PPP2R5C: variants seen among roughly 807,000 people sequenced by gnomAD.
The protein encoded by PPP2R5C is serine/threonine-protein phosphatase 2A 56 kDa regulatory subunit gamma isoform.
A neutral mutation model predicts 68.9 loss-of-function variants in PPP2R5C; 7 were observed. That is an observed-to-expected ratio of 0.10 (90% confidence interval 0.06 to 0.19). The LOEUF is 0.19. Among genes scored for constraint, PPP2R5C ranks in the 10% least tolerant of loss-of-function variants. The probability of loss-of-function intolerance (pLI) is 1.00; values close to 1 mark genes in which losing one functional copy is unlikely to be tolerated. For synonymous variants in PPP2R5C, 210 were observed against 222.2 expected, an observed-to-expected ratio of 0.95 and a Z score of 0.49; for missense variants, 348 against 641.3, an observed-to-expected ratio of 0.54 and a Z score of 4.94.
In PPP2R5C at chr14:101,825,283, G is replaced by C. The variant is rs552446601; in HGVS notation, c.94+15247G>C. 6.6e-6 allele frequency among the ~76,000 whole-genome samples: 1 copy of C among 151,056 alleles called. No homozygotes were observed. The highest frequency in any genetic ancestry group is 6.6e-5 in the Admixed American group (1 of 15,112). ...TTATTACTTATTAAAAAAATGTAAA[G>C]AAGGCATAGCATTAAAAGTGGGAGA... On this transcript the variant is annotated intron_variant, in intron 1 of 13. Transcript: ENST00000334743. The surrounding 1 kb of genome is among the most constrained non-coding windows in gnomAD (Gnocchi z 4.0).
In PPP2R5C at chr14:101,825,659, A is replaced by G. The variant is rs975889751; in HGVS notation, c.94+15623A>G. 6.6e-6 allele frequency among the ~76,000 whole-genome samples: 1 copy of G among 152,194 alleles called. No individual in the cohort carries two copies. The highest frequency in any genetic ancestry group is 1.5e-5 in the Non-Finnish European group (1 of 68,040). On this transcript the variant is annotated intron_variant, in intron 1 of 13. Coordinates refer to ENST00000334743, the Ensembl canonical transcript of PPP2R5C. This position sits in a 1 kb window ranked among gnomAD's most constrained non-coding sequence, Gnocchi z 4.0. ...TCATGTTGGCATTTCATTTAGTTGAATGAACCAGTTTTGTTGTATTTCAGA... is the reference window on the plus strand; with the variant it reads ...TCATGTTGGCATTTCATTTAGTTGAGTGAACCAGTTTTGTTGTATTTCAGA...
chr14:101,883,383 C>T (rs762353595), intron 4 of PPP2R5C, 34 bp downstream of exon 6: 2 of 1,610,606 alleles, frequency 1.2e-6, no homozygotes, highest in Non-Finnish European at 1.7e-6. Flanking sequence ...TCTGAAAGCC[C>T]TGATGGAATG....
At chr14:101,818,840 A>G in intron 1 of PPP2R5C, 2 of 607,342 alleles carry the variant, frequency 3.3e-6, no homozygotes. Flanking sequence ...AGCTGTTAAC[A>G]GTGATTAGGT....
chr14:101,881,541 C>CT (rs762312329), intron 2 of PPP2R5C, among the ~76,000 whole-genome samples: 9 of 152,236 alleles, frequency 5.9e-5, no homozygotes, highest in Non-Finnish European at 1.0e-4. Flanking sequence ...TGAGAGAAAT[C>CT]TAACAGCCCA....
upstream of PPP2R5C, among the ~76,000 whole-genome samples, chr14:101,805,227 A>G (rs1204362257): frequency 6.6e-6 from 1 of 152,046 alleles, no homozygotes; most frequent in East Asian, 1.9e-4. Flanking sequence ...CACCAGGCCC[A>G]GCTAATTTTT....
intron 3 of PPP2R5C, among the ~76,000 whole-genome samples, chr14:101,791,036 C>T (rs1245289364): frequency 6.6e-6 from 1 of 152,148 alleles, no homozygotes; most frequent in African/African-American, 2.4e-5. Context: ...GCCGAGATCA[C>T]ACCACTGCAC....
intron 2 of PPP2R5C, among the ~76,000 whole-genome samples, chr14:101,784,979 G>A (rs1042500063): frequency 2.0e-5 from 3 of 152,302 alleles, no homozygotes; most frequent in African/African-American, 7.2e-5. Flanking sequence ...GGGACCCCTG[G>A]TTCCTCTGCT....
chr14:101,900,983 G>T (rs200913783), intron 8 of PPP2R5C, among the ~76,000 whole-genome samples: 1 of 152,246 alleles, frequency 6.6e-6, no homozygotes, highest in Non-Finnish European at 1.5e-5. Flanking sequence ...AGGTCCCATC[G>T]CAGTACCTGT....
intron 2 of PPP2R5C, among the ~76,000 whole-genome samples, chr14:101,770,686 A>G (rs1014118123): frequency 6.6e-6 from 1 of 152,238 alleles, no homozygotes; most frequent in Non-Finnish European, 1.5e-5. Flanking sequence ...CAATTCTAGA[A>G]AGAGCTCATC....
chr14:101,792,060 G>A (rs1302400619), intron 3 of PPP2R5C, among the ~76,000 whole-genome samples: 3 of 152,138 alleles, frequency 2.0e-5, no homozygotes, highest in Admixed American at 6.5e-5. Flanking sequence ...TAAATCAACC[G>A]ACCCAGTTGT....
chr14:101,772,753 G>A (rs966908208), intron 2 of PPP2R5C, among the ~76,000 whole-genome samples: 7 of 152,046 alleles, frequency 4.6e-5, no homozygotes, highest in Admixed American at 2.0e-4. Flanking sequence ...CCAAGATTGC[G>A]CCACTGCACT....
chr14:101,877,719 T>C lies in PPP2R5C; in HGVS notation c.295-4442T>C, dbSNP rs2043875502. On this transcript the variant is annotated intron_variant, in intron 2 of 13. Coordinates refer to ENST00000334743, the Ensembl canonical transcript of PPP2R5C. The surrounding 1 kb of genome is among the most constrained non-coding windows in gnomAD (Gnocchi z 4.2). ...GATAGACCGTTGGCCCTCTGTTCCT[T>C]CCCCCCGCCCCAGTATTACTTTTTA... 6.6e-6 allele frequency among the ~76,000 whole-genome samples: 1 copy of C among 152,056 alleles called. No individual in the cohort carries two copies. Among genetic ancestry groups the C allele is most frequent in the Non-Finnish European group, 1.5e-5 (1 of 68,020 alleles).
At chr14:101,824,998 A>G (rs766440446) in intron 1 of PPP2R5C, 2 of 152,356 alleles carry the variant, frequency 1.3e-5, no homozygotes, top group African/African-American at 2.4e-5. Context: ...GGGTGTAAGT[A>G]GCATCCCTTT....
At chr14:101,858,173 T>C (rs1469464080) in intron 2 of PPP2R5C, among the ~76,000 whole-genome samples, 1 of 152,192 alleles carries the variant, frequency 6.6e-6, no homozygotes, top group African/African-American at 2.4e-5. Context: ...CCTTACCTGT[T>C]CAGACTAATG....
chr14:101,881,983 C>G (rs1439796289), intron 2 of PPP2R5C, among the ~76,000 whole-genome samples, 178 bp from the exon 5 acceptor site: 2 of 152,170 alleles, frequency 1.3e-5, no homozygotes, highest in African/African-American at 4.8e-5. Context: ...ATGTTTCCTG[C>G]TGCAGTTTTG....
At chr14:101,788,246 G>C (rs983623268) in intron 3 of PPP2R5C, among the ~76,000 whole-genome samples, 6 of 152,188 alleles carry the variant, frequency 3.9e-5, no homozygotes, top group Non-Finnish European at 8.8e-5. Flanking sequence ...TGCATGCCCC[G>C]CCTCAGCCAG....
chr14:101,917,913 T>C lies in PPP2R5C; in HGVS notation c.1409T>C (p.Met470Thr). 6.2e-7 allele frequency: 1 copy of C among 1,613,896 alleles called. No individual in the cohort carries two copies. The highest frequency in any genetic ancestry group is 8.5e-7 in the Non-Finnish European group (1 of 1,179,862). The change falls in exon 13 of 14, where the codon ATG becomes ACG. Residue 470 changes from methionine (M) to threonine (T), a missense_variant. Physicochemically the swap from Met to Thr is moderately conservative, Grantham distance 81. Transcript: ENST00000334743. This position sits in a 1 kb window ranked among gnomAD's most constrained non-coding sequence, Gnocchi z 4.4. ...GGGCCTTTATTTGAAGATGTGCAGA[T>C]GCTGAGAAAGACAGTGAAGGACGAG...
upstream of PPP2R5C, among the ~76,000 whole-genome samples, chr14:101,807,200 A>G (rs2039112964): frequency 2.0e-5 from 3 of 152,332 alleles, no homozygotes; most frequent in Admixed American, 6.5e-5. Context: ...TTTTCTGCAT[A>G]TAGTTAATCA....
chr14:101,910,555 G>A (rs914874399), intron 11 of PPP2R5C, among the ~76,000 whole-genome samples: 3 of 152,258 alleles, frequency 2.0e-5, no homozygotes, highest in Non-Finnish European at 2.9e-5. Context: ...CCCCTGGGCC[G>A]GGTGCGGTGG....
Sources: allele counts gnomAD v4.1 joint callset (sites outside exome capture counted in the v4.1 genomes callset), GRCh38; gene constraint gnomAD v4.1.1; non-coding constraint Gnocchi (gnomAD v3.1); transcripts MANE v1.5; gene names NCBI Gene and HGNC (gene_info 2026-07-23, HGNC 2026-07-21).